AGBL1: variants seen among roughly 807,000 people sequenced by gnomAD.
AGBL1 encodes cytosolic carboxypeptidase 4.
Under a neutral mutation model 118.9 loss-of-function variants are expected in AGBL1, and 130 were observed. That is an observed-to-expected ratio of 1.09 (90% CI 0.95 to 1.26). AGBL1 has a LOEUF of 1.26. Among genes scored for constraint, AGBL1 ranks in the 50% most tolerant of loss-of-function variants. The pLI is 0.00. For missense variants in AGBL1, 1,584 were observed against 1,298.1 expected (o/e 1.22, Z -3.38); for synonymous variants, 555 against 478.9 (o/e 1.16, Z -2.08).
intron 17 of AGBL1, among the ~76,000 whole-genome samples, chr15:86,309,045 C>A (rs939249809): frequency 6.6e-6 from 1 of 152,146 alleles, no homozygotes. Context: ...ATTATTTCAA[C>A]CCATGAACAT....
chr15:86,097,575 C>T (rs939793301), intron 1 of AGBL1, among the ~76,000 whole-genome samples: 3 of 148,682 alleles, frequency 2.0e-5, no homozygotes, highest in African/African-American at 7.6e-5. Context: ...TGAGCGAGAA[C>T]ATGCAATATT....
chr15:86,809,781 C>T (rs774995636), intron 22 of AGBL1, among the ~76,000 whole-genome samples: 5 of 152,086 alleles, frequency 3.3e-5, no homozygotes, highest in Non-Finnish European at 5.9e-5. Context: ...TGGTAGATCA[C>T]ACGTTTTCAA....
chr15:86,709,516 C>G (rs909936859), intron 22 of AGBL1, among the ~76,000 whole-genome samples: 8 of 152,090 alleles, frequency 5.3e-5, no homozygotes, highest in African/African-American at 1.9e-4. Flanking sequence ...AATATATTTT[C>G]CTTTCTGTAT....
At chr15:86,606,298 C>G (rs1401252216) in intron 21 of AGBL1, among the ~76,000 whole-genome samples, 1 of 152,036 alleles carries the variant, frequency 6.6e-6, no homozygotes, top group Non-Finnish European at 1.5e-5. Context: ...TCCACAATCT[C>G]CTTAGAAACA....
intron 6 of AGBL1, among the ~76,000 whole-genome samples, chr15:86,235,629 G>C (rs1409316713): frequency 6.6e-6 from 1 of 152,192 alleles, no homozygotes; most frequent in Non-Finnish European, 1.5e-5. Context: ...TGTACCTAAG[G>C]TGTTTCCTAG....
intron 23 of AGBL1, among the ~76,000 whole-genome samples, chr15:86,984,744 A>ATTTT (rs1268767477): frequency 6.6e-6 from 1 of 152,012 alleles, no homozygotes; most frequent in African/African-American, 2.4e-5. Flanking sequence ...TAGGTGCAAT[A>ATTTT]TTTTTCCCAG....
Position 86,749,304 on chromosome 15 carries a change from C to T in AGBL1, c.3158+74868C>T, listed in dbSNP as rs1217995029. 3.3e-5 allele frequency among the ~76,000 whole-genome samples: 5 copies of T among 152,202 alleles called. No individual in the cohort carries two copies. In the South Asian group the frequency reaches 1.0e-3, roughly 32 times the overall value. On this transcript the variant is annotated intron_variant, in intron 22 of 22. Coordinates refer to ENST00000614907, the MANE Select transcript of AGBL1 (RefSeq NM_001386094.1). ...ATGGGAGGTCACTCATGATTTTGCT[C>T]TCTGTTTGTCTATTATTGGCGTATA...
chr15:86,631,969 C>G (rs1203673594), intron 21 of AGBL1, among the ~76,000 whole-genome samples: 1 of 151,718 alleles, frequency 6.6e-6, no homozygotes, highest in Non-Finnish European at 1.5e-5. Context: ...GCAGAAGGAT[C>G]TCTTGAAACC....
chr15:86,535,408 T>C (rs1596238662), intron 19 of AGBL1, among the ~76,000 whole-genome samples: 1 of 152,182 alleles, frequency 6.6e-6, no homozygotes, highest in Non-Finnish European at 1.5e-5. Context: ...TACAGCAAGC[T>C]CCTGGGGAGC....
In AGBL1 at chr15:86,670,650, G is replaced by GTGTGTGTA. The variant is rs369000727; in HGVS notation, c.2995-3622_2995-3621insGTGTGTAT. Among the ~76,000 whole-genome samples the GTGTGTGTA allele has an allele frequency of 7.2e-4, 101 of 141,130 alleles. 1 individual carries two copies. In the South Asian group the frequency reaches 7.8e-3, roughly 11 times the overall value. 92.6% of individuals were successfully genotyped at this position (141,130 alleles called of 152,430 possible). On this transcript the variant is annotated intron_variant, in intron 21 of 22. Coordinates refer to ENST00000614907, the MANE Select transcript of AGBL1 (RefSeq NM_001386094.1). ...ACAAACACGCTGTGTGTGTGTGTGT[G>GTGTGTGTA]TATATATATATATAGCAAACTTATA... is the stretch of plus-strand genomic sequence containing the variant.
chr15:86,206,662 T>A (rs2077997887), intron 5 of AGBL1, among the ~76,000 whole-genome samples: 1 of 152,240 alleles, frequency 6.6e-6, no homozygotes, highest in South Asian at 2.1e-4. Context: ...ATGGGATTGT[T>A]TGATTTTTTC....
At chr15:86,410,863 A>ATATT (rs2081604383) in intron 18 of AGBL1, among the ~76,000 whole-genome samples, 9 of 68,776 alleles carry the variant, frequency 1.3e-4, no homozygotes, top group Non-Finnish European at 1.7e-4. Flanking sequence ...TTATATATAA[A>ATATT]ATATATAATA....
intron 22 of AGBL1, among the ~76,000 whole-genome samples, chr15:86,848,646 T>G (rs1204596213): frequency 6.6e-6 from 1 of 152,182 alleles, no homozygotes; most frequent in Non-Finnish European, 1.5e-5. Flanking sequence ...TATATCATCC[T>G]TTTTCCAATA....
chr15:87,008,998 G>A (rs192020084), intron 24 of AGBL1, among the ~76,000 whole-genome samples: 194 of 152,258 alleles, frequency 1.3e-3, no homozygotes, highest in African/African-American at 4.4e-3. Flanking sequence ...CTGACAATGC[G>A]ATAGAAAATA....
intron 21 of AGBL1, among the ~76,000 whole-genome samples, chr15:86,566,005 C>A (rs2083907914): frequency 6.6e-6 from 1 of 152,162 alleles, no homozygotes; most frequent in South Asian, 2.1e-4. Context: ...TGGGAGTGAC[C>A]CAATTTTCCA....
intron 10 of AGBL1, among the ~76,000 whole-genome samples, chr15:86,263,991 T>G (rs1648401206): frequency 6.6e-6 from 1 of 152,154 alleles, no homozygotes; most frequent in South Asian, 2.1e-4. Context: ...TCCAACCAGA[T>G]TGTAATTTAG....
At chr15:86,740,279 C>G (rs1052280115) in intron 22 of AGBL1, among the ~76,000 whole-genome samples, 19 of 152,198 alleles carry the variant, frequency 1.2e-4, no homozygotes, top group South Asian at 2.1e-4. Flanking sequence ...CATGGGAGCT[C>G]ATGCTGAATT....
intron 18 of AGBL1, among the ~76,000 whole-genome samples, chr15:86,520,377 T>G (rs1317520283): frequency 6.6e-6 from 1 of 152,236 alleles, no homozygotes; most frequent in Non-Finnish European, 1.5e-5. Context: ...ATGAGAATGT[T>G]GACTCTCAAA....
At chr15:86,958,996 T>A (rs951063522) in intron 23 of AGBL1, among the ~76,000 whole-genome samples, 1 of 152,116 alleles carries the variant, frequency 6.6e-6, no homozygotes, top group Non-Finnish European at 1.5e-5. Flanking sequence ...CAATAATATA[T>A]ACTGTTTATA....
Sources: gnomAD v4.1 joint callset for allele counts (sites outside exome capture counted in the v4.1 genomes callset) on GRCh38, gnomAD v4.1.1 for gene constraint, MANE v1.5 for transcripts, NCBI Gene and HGNC (gene_info 2026-07-23, HGNC 2026-07-21) for gene names.